PHLPP2: variants seen among roughly 807,000 people sequenced by gnomAD.
PHLPP2 encodes PH domain leucine-rich repeat-containing protein phosphatase 2.
PHLPP2 carries 66 observed loss-of-function variants against 124.9 expected under a neutral mutation model. The ratio of observed to expected loss-of-function variants is 0.53; its 90% CI spans 0.43 to 0.65. The LOEUF (loss-of-function observed/expected upper bound fraction) is 0.65. PHLPP2 is among the 30% of genes least tolerant of loss of function. The pLI is 0.00. For missense variants in PHLPP2, 1,685 were observed against 1,600.4 expected (o/e 1.05, Z -0.90); for synonymous variants, 681 against 624.7 (o/e 1.09, Z -1.34).
intron 13 of PHLPP2, among the ~76,000 whole-genome samples, 194 bp downstream of exon 13, chr16:71,663,705 A>T (rs1393997363): frequency 6.6e-6 from 1 of 152,174 alleles, no homozygotes; most frequent in African/African-American, 2.4e-5. Context: ...TATTTTAACC[A>T]ATTTTCCTGG....
At chr16:71,670,619 G>T (rs1002462254) in intron 10 of PHLPP2, among the ~76,000 whole-genome samples, 6 of 150,650 alleles carry the variant, frequency 4.0e-5, no homozygotes, top group South Asian at 2.1e-4. Flanking sequence ...TAGTTAGGGG[G>T]ATTGTGAGGT....
chr16:71,647,500 TAGG>T lies in PHLPP2; in HGVS notation c.*1387_*1389del, dbSNP rs1461405826. ...AGAGAACCATCCCTCTCCTCCAGCA[TAGG>T]AGAAGGAACAAGTCTAACCTGAGTG... On this transcript the variant is annotated 3_prime_UTR_variant, in exon 19 of 19. Coordinates refer to ENST00000568954, the MANE Select transcript of PHLPP2 (RefSeq NM_015020.3). The T allele has an allele frequency of 3.3e-5, 5 of 152,368 alleles. No homozygotes were observed. The highest frequency in any genetic ancestry group is 9.6e-5 in the African/African-American group (4 of 41,456). The allele number at this position is 152,368 out of a possible 1,614,324, so 9.4% of individuals were successfully genotyped here.
At chr16:71,711,497 C>A (rs1445181971) in intron 2 of PHLPP2, among the ~76,000 whole-genome samples, 2 of 152,112 alleles carry the variant, frequency 1.3e-5, no homozygotes, top group Non-Finnish European at 1.5e-5. Flanking sequence ...AGAAGACAGA[C>A]GTAGTATAAG....
intron 10 of PHLPP2, among the ~76,000 whole-genome samples, chr16:71,670,864 C>T (rs945833769): frequency 7.9e-5 from 12 of 152,034 alleles, no homozygotes; most frequent in Non-Finnish European, 1.5e-4. Flanking sequence ...AGAATGAATA[C>T]GCATCTATAT....
At chr16:71,682,771 G>C (rs1229272242) in intron 5 of PHLPP2, among the ~76,000 whole-genome samples, 2 of 152,088 alleles carry the variant, frequency 1.3e-5, no homozygotes, top group Non-Finnish European at 2.9e-5. Context: ...CAATATAACT[G>C]TAAAATAGTC....
chr16:71,649,456 CAGA>C lies in PHLPP2; in HGVS notation c.3403_3405del (p.Ser1135del), dbSNP rs747144814. On this transcript the variant is annotated inframe_deletion, in exon 19 of 19. Transcript: ENST00000568954. ...TCAGACTGGTTACTGGAGAAGGTAGCAGAAGAAGGCTGGCGCTGAAACAGCCCA... is the reference window on the plus strand; with the variant it reads ...TCAGACTGGTTACTGGAGAAGGTAGCAGAAGGCTGGCGCTGAAACAGCCCA... The C allele has an allele frequency of 5.0e-6, 8 of 1,614,090 alleles. No individual in the cohort carries two copies. Among genetic ancestry groups the C allele is most frequent in the South Asian group, 4.4e-5 (4 of 91,084 alleles).
chr16:71,705,817 T>A (rs1478166219), intron 2 of PHLPP2, among the ~76,000 whole-genome samples: 1 of 152,218 alleles, frequency 6.6e-6, no homozygotes, highest in Non-Finnish European at 1.5e-5. Context: ...GACCTCCTTA[T>A]ACATATCTAC....
At chr16:71,679,731 C>T (rs1455776060) in intron 6 of PHLPP2, among the ~76,000 whole-genome samples, 196 bp from the exon 7 acceptor site, 1 of 152,150 alleles carries the variant, frequency 6.6e-6, no homozygotes, top group Non-Finnish European at 1.5e-5. Flanking sequence ...ATTCACAGTC[C>T]ATGTGATGAA....
chr16:71,700,036 C>T (rs1045019586), intron 3 of PHLPP2, among the ~76,000 whole-genome samples: 3 of 152,258 alleles, frequency 2.0e-5, no homozygotes, highest in Admixed American at 2.0e-4. Flanking sequence ...GCGGGGTGGG[C>T]TGAGTAAATG....
At chr16:71,717,684 G>A (rs1023710103) in intron 1 of PHLPP2, among the ~76,000 whole-genome samples, 12 of 152,006 alleles carry the variant, frequency 7.9e-5, no homozygotes, top group Non-Finnish European at 1.2e-4. Context: ...TTTAATCTTT[G>A]GGAAAGATTA....
chr16:71,692,943 C>T (rs1442363916), intron 3 of PHLPP2, among the ~76,000 whole-genome samples: 1 of 152,038 alleles, frequency 6.6e-6, no homozygotes, highest in Non-Finnish European at 1.5e-5. Context: ...AGTTCTAGTT[C>T]CACATTTCCA....
chr16:71,714,831 A>G, intron 1 of PHLPP2, 30 bp from the exon 2 acceptor site: 1 of 1,590,486 alleles, frequency 6.3e-7, no homozygotes, highest in Non-Finnish European at 8.6e-7. Flanking sequence ...AGAAATCGTT[A>G]GCTAGAACAT....
At chr16:71,695,488 C>T (rs2045160308) in intron 3 of PHLPP2, among the ~76,000 whole-genome samples, 1 of 152,178 alleles carries the variant, frequency 6.6e-6, no homozygotes, top group Non-Finnish European at 1.5e-5. Context: ...GCCGTCGGAT[C>T]ACCTGAGGTC....
At chr16:71,710,989 T>G (rs1597017584) in intron 2 of PHLPP2, among the ~76,000 whole-genome samples, 1 of 151,652 alleles carries the variant, frequency 6.6e-6, no homozygotes, top group African/African-American at 2.4e-5. Context: ...GAATATTCTG[T>G]AACTATTAAA....
At position 71,676,467 on chromosome 16, in the gene PHLPP2, G is replaced by A; in HGVS notation, c.1451C>T (p.Thr484Ile). ...CTCACTGTTGGAACTGGCATAGAGG[G>A]TCCGAAGGGAAAAGCCACTGAGTGT... ...ELTLSGFSLR[T>I]LYASSNRLTA... Residue 484 changes from threonine (T) to isoleucine (I), a missense_variant, in exon 9 of 19, where the codon ACC becomes ATC. By Grantham distance (89) the Thr-to-Ile change is moderately conservative. Transcript: ENST00000568954. 6.2e-7 allele frequency: 1 copy of A among 1,613,822 alleles called. No individual in the cohort carries two copies. The highest frequency in any genetic ancestry group is 8.5e-7 in the Non-Finnish European group (1 of 1,179,718).
intron 14 of PHLPP2, 46 bp from the exon 15 acceptor site, chr16:71,658,409 T>TAGTTCTTTA (rs755130082): frequency 6.4e-7 from 1 of 1,563,682 alleles, no homozygotes; most frequent in Non-Finnish European, 8.8e-7. Flanking sequence ...CACAGAGACT[T>TAGTTCTTTA]AGTTCTTTAC....
At chr16:71,669,535 G>C (rs1336522146) in intron 10 of PHLPP2, among the ~76,000 whole-genome samples, 165 bp from the exon 11 acceptor site, 1 of 152,210 alleles carries the variant, frequency 6.6e-6, no homozygotes, top group Non-Finnish European at 1.5e-5. Flanking sequence ...GGTGCTCATT[G>C]AATGCTGCTG....
At chr16:71,714,488 A>G (rs1232838473) in intron 2 of PHLPP2, 24 bp downstream of exon 2, 1 of 1,563,698 alleles carries the variant, frequency 6.4e-7, no homozygotes, top group Non-Finnish European at 8.6e-7. Context: ...CGGTAGAATT[A>G]GAGTGGTAAA....
intron 3 of PHLPP2, among the ~76,000 whole-genome samples, chr16:71,692,820 T>G (rs1176933825): frequency 2.5e-5 from 1 of 40,728 alleles, no homozygotes; most frequent in African/African-American, 7.6e-5. Context: ...ATATTTTTCT[T>G]TGTTTTTTTA....
Sources: allele counts gnomAD v4.1 joint callset (sites outside exome capture counted in the v4.1 genomes callset), GRCh38; gene constraint gnomAD v4.1.1; transcripts MANE v1.5; gene names NCBI Gene and HGNC (gene_info 2026-07-23, HGNC 2026-07-21).